The following PNKD variants were observed in gnomAD, a reference collection of about 807,000 sequenced individuals.
PNKD encodes PNKD metallo-beta-lactamase domain containing, also known as probable thioesterase PNKD.
A neutral mutation model predicts 45.3 loss-of-function variants in PNKD; 36 were observed. That is an observed-to-expected ratio of 0.80 (90% CI 0.61 to 1.05). The LOEUF (loss-of-function observed/expected upper bound fraction) is 1.05, where lower values mean the gene tolerates loss of function less well. Among genes scored for constraint, PNKD ranks in the 50% least tolerant of loss-of-function variants. The pLI, the probability that PNKD is intolerant of heterozygous loss-of-function variation, is 0.00. For synonymous variants in PNKD, 197 were observed against 210.1 expected, an observed-to-expected ratio of 0.94 and a Z score of 0.54; for missense variants, 511 against 506.6, an observed-to-expected ratio of 1.01 and a Z score of -0.08.
intron 2 of PNKD, among the ~76,000 whole-genome samples, chr2:218,306,108 T>C (rs777564303): frequency 4.6e-5 from 7 of 152,032 alleles, no homozygotes; most frequent in Non-Finnish European, 1.0e-4. Context: ...TCTAGGATAG[T>C]GATCAGGGCA....
chr2:218,342,182 G>A, intron 7 of PNKD, 38 bp downstream of exon 7: 1 of 1,590,106 alleles, frequency 6.3e-7, no homozygotes. Flanking sequence ...TGGGAGAGGA[G>A]GGAGAGACAG....
At chr2:218,323,047 C>CTG (rs1276028041) in intron 2 of PNKD, 5 of 257,104 alleles carry the variant, frequency 1.9e-5, no homozygotes, top group Admixed American at 5.6e-4. Context: ...TGGCCGCCAG[C>CTG]CGGGCGGAGC....
chr2:218,270,769 TCC>T, intron 1 of PNKD, 167 bp downstream of exon 1: 1 of 413,738 alleles, frequency 2.4e-6, no homozygotes, highest in Middle Eastern at 3.3e-4. Flanking sequence ...ACCCAGTGCA[TCC>T]CCCCGCCTTC....
chr2:218,323,464 G>A, intron 2 of PNKD: 2 of 1,509,436 alleles, frequency 1.3e-6, no homozygotes, highest in Non-Finnish European at 1.8e-6. Context: ...GTGCGGGCTC[G>A]GGAGGCGGGC....
intron 2 of PNKD, chr2:218,275,688 C>G (rs1206221634): frequency 1.3e-6 from 2 of 1,561,768 alleles, no homozygotes; most frequent in Non-Finnish European, 1.7e-6. Flanking sequence ...TTTTGGTCAG[C>G]AGATTTGTCT....
chr2:218,285,628 C>T (rs1483857272), intron 2 of PNKD: 1 of 152,384 alleles, frequency 6.6e-6, no homozygotes, highest in Non-Finnish European at 1.5e-5. Context: ...AGCACAGGAA[C>T]CTGTCCTTGG....
chr2:218,346,170 G>A lies in PNKD; in HGVS notation c.*1189G>A, dbSNP rs1694822945. 6.6e-6 allele frequency: 1 copy of A among 152,516 alleles called. No homozygotes were observed. Among genetic ancestry groups the A allele is most frequent in the Admixed American group, 6.5e-5 (1 of 15,270 alleles). The allele number at this position is 152,516 out of a possible 1,614,324, so 9.4% of individuals were successfully genotyped here. On this transcript the variant is annotated 3_prime_UTR_variant, in exon 10 of 10. Transcript: ENST00000273077. Reference sequence around the variant, plus strand: ...CCAGCTCTGCTGCTCCTCTACTCTTGGGTCGAGATCCCTTTGGAGCCACAG... The same window carrying A: ...CCAGCTCTGCTGCTCCTCTACTCTTAGGTCGAGATCCCTTTGGAGCCACAG...
At chr2:218,273,813 G>A (rs1422659161) in intron 2 of PNKD, among the ~76,000 whole-genome samples, 6 of 151,964 alleles carry the variant, frequency 3.9e-5, no homozygotes, top group Non-Finnish European at 8.8e-5. Flanking sequence ...TCCTCATTTT[G>A]TAAGATGGGA....
rs3816561 is a variant in PNKD, at chr2:218,341,763, G to A, written c.617+137G>A. ...TTCCTGGCCCAATCCCAGCCTATCT[G>A]AAGACTGGCACTGCCCATCCCCCAA... is the stretch of plus-strand genomic sequence containing the variant. On this transcript the variant is annotated intron_variant, in intron 6 of 9. Transcript: ENST00000273077. 2.2e-3 allele frequency: 1,759 copies of A among 787,932 alleles called. 55 individuals are homozygous for A. In the East Asian group the frequency reaches 0.046, roughly 21 times the overall value. 48.8% of individuals were successfully genotyped at this position (787,932 alleles called of 1,614,324 possible). A position where few individuals can be genotyped will look rare whatever the true frequency, so the allele number is the denominator to read the frequency against.
At chr2:218,276,832 T>A (rs1691263762) in intron 2 of PNKD, among the ~76,000 whole-genome samples, 1 of 152,164 alleles carries the variant, frequency 6.6e-6, no homozygotes, top group South Asian at 2.1e-4. Context: ...ACAGAGAGTC[T>A]ACCCTCACCC....
intron 2 of PNKD, among the ~76,000 whole-genome samples, chr2:218,324,188 T>A (rs535066637): frequency 6.6e-6 from 1 of 152,286 alleles, no homozygotes; most frequent in East Asian, 1.9e-4. Flanking sequence ...CCAGGGACAC[T>A]GAGAGGCAGG....
chr2:218,339,928 C>T (rs1694620417), intron 3 of PNKD, 30 bp downstream of exon 3: 1 of 1,529,000 alleles, frequency 6.5e-7, no homozygotes, highest in East Asian at 2.3e-5. Context: ...GCCAGCATCC[C>T]CCATTCTGTG....
chr2:218,301,535 C>G (rs1308344499), intron 2 of PNKD, among the ~76,000 whole-genome samples: 1 of 152,164 alleles, frequency 6.6e-6, no homozygotes, highest in African/African-American at 2.4e-5. Flanking sequence ...ACCTGTAATT[C>G]TGCATTTTAG....
chr2:218,343,441 C>T, intron 7 of PNKD, 59 bp from the exon 8 acceptor site: 1 of 1,329,728 alleles, frequency 7.5e-7, no homozygotes, highest in Non-Finnish European at 1.1e-6. Context: ...TCTGGGTGTG[C>T]CTTATGCCAT....
intron 6 of PNKD, 148 bp from the exon 7 acceptor site, chr2:218,341,833 G>A: frequency 1.3e-6 from 1 of 787,722 alleles, no homozygotes; most frequent in South Asian, 1.5e-5. Flanking sequence ...GGAGGGTTCG[G>A]ACCTGAGACC....
In PNKD at chr2:218,345,879, C is replaced by T. The variant is rs529454300; in HGVS notation, c.*898C>T. 1 of 152,564 alleles carries T rather than the reference C, an allele frequency of 6.6e-6. No individual in the cohort carries two copies. Among genetic ancestry groups the T allele is most frequent in the South Asian group, 2.1e-4 (1 of 4,830 alleles). 9.5% of individuals were successfully genotyped at this position (152,564 alleles called of 1,614,324 possible). A position where few individuals can be genotyped will look rare whatever the true frequency, so the allele number is the denominator to read the frequency against. On this transcript the variant is annotated 3_prime_UTR_variant, in exon 10 of 10. Coordinates refer to ENST00000273077, the MANE Select transcript of PNKD (RefSeq NM_015488.5). The stretch of plus-strand genomic sequence containing the variant: ...GCCCTTGTTCTTAGGCCCGTCTGCC[C>T]GCCTTCCTCCATCTAACCTTTCCTG...
intron 2 of PNKD, among the ~76,000 whole-genome samples, chr2:218,324,620 T>G (rs1045375898): frequency 6.6e-6 from 1 of 152,170 alleles, no homozygotes; most frequent in African/African-American, 2.4e-5. Context: ...GCTCTGCACG[T>G]TGCATTAAAA....
intron 2 of PNKD, chr2:218,276,909 G>T (rs1691273617): frequency 2.0e-6 from 2 of 1,015,052 alleles, no homozygotes; most frequent in Non-Finnish European, 3.0e-6. Context: ...GTCAGAGCCT[G>T]CCCCGGGGAC....
At position 218,293,927 on chromosome 2, in the gene PNKD, TAAAAAAAAA is replaced by T. The variant is rs56100300; in HGVS notation, c.236+22392_236+22400del. On this transcript the variant is annotated intron_variant, in intron 2 of 9. Transcript: ENST00000273077. ...CACGTCCAGCCCCAAAACAGAGATTTAAAAAAAAAAAAAAAAAAAAAAGACAGATTTTTA... is the reference window on the plus strand; with the variant it reads ...CACGTCCAGCCCCAAAACAGAGATTTAAAAAAAAAAAAAGACAGATTTTTA... 3.8e-3 allele frequency among the ~76,000 whole-genome samples: 453 copies of T among 118,872 alleles called. 9 individuals are homozygous for T. Among genetic ancestry groups the T allele is most frequent in the Admixed American group, 0.036 (418 of 11,506 alleles). The allele number at this position is 118,872 out of a possible 152,430, so 78.0% of individuals were successfully genotyped here.
Sources: gnomAD v4.1 joint callset for allele counts (sites outside exome capture counted in the v4.1 genomes callset) on GRCh38, gnomAD v4.1.1 for gene constraint, MANE v1.5 for transcripts, NCBI Gene and HGNC (gene_info 2026-07-23, HGNC 2026-07-21) for gene names.